The following FAM149A variants were observed in gnomAD, a reference collection of about 807,000 sequenced individuals.
FAM149A encodes protein FAM149A.
Under a neutral mutation model 78.2 loss-of-function variants are expected in FAM149A, and 71 were observed. The observed-to-expected ratio is 0.91, with a 90% CI of 0.75 to 1.11. The LOEUF is 1.11. Ranked by LOEUF, FAM149A falls within the 50% of genes least tolerant of loss-of-function variation. FAM149A has a pLI of 0.00. For missense variants in FAM149A, 1,036 were observed against 971.0 expected (o/e 1.07, Z -0.89); for synonymous variants, 446 against 410.5 (o/e 1.09, Z -1.04).
intron 1 of FAM149A, chr4:186,127,279 G>A (rs2099318722): frequency 1.0e-6 from 1 of 980,130 alleles, no homozygotes; most frequent in African/African-American, 1.7e-5. Context: ...GTTTCTTCCG[G>A]AGAGTTAGTC....
At position 186,172,184 on chromosome 4, in the gene FAM149A, C is replaced by T; in HGVS notation, c.*197C>T. 2.6e-6 allele frequency: 2 copies of T among 766,808 alleles called. 1 individual carries two copies. Among genetic ancestry groups the T allele is most frequent in the South Asian group, 6.2e-5 (2 of 32,274 alleles). The allele number at this position is 766,808 out of a possible 1,614,324, so 47.5% of individuals were successfully genotyped here. A position where few individuals can be genotyped will look rare whatever the true frequency, so the allele number is the denominator to read the frequency against. ...GAGAGTGAAAGTCAAACCCACCAAG[C>T]TGCCTTGCTGAAAGCATCTCCAAGG... On this transcript the variant is annotated 3_prime_UTR_variant, in exon 14 of 14. Coordinates refer to ENST00000389354, the MANE Select transcript of FAM149A (RefSeq NM_001367768.3).
chr4:186,161,587 G>A (rs546658906), intron 8 of FAM149A, among the ~76,000 whole-genome samples: 23 of 152,158 alleles, frequency 1.5e-4, no homozygotes, highest in Non-Finnish European at 3.1e-4. Flanking sequence ...AGCAGTGGAT[G>A]AGCCTTTAAA....
rs776685468 is a variant in FAM149A at position 186,162,940 on chromosome 4, CAG to C, written c.1673_1674del (p.Arg558AsnfsTer4). On this transcript the variant is annotated frameshift_variant, in exon 9 of 14. Coordinates refer to ENST00000389354, the MANE Select transcript of FAM149A (RefSeq NM_001367768.3). LOFTEE classifies it high-confidence loss of function. Reference sequence around the variant, plus strand: ...AGCGGAGACCTGCCTATTTTGCTGACAGAACGCAGTACGTATCAGAATCAGTA... The same window carrying C: ...AGCGGAGACCTGCCTATTTTGCTGACAACGCAGTACGTATCAGAATCAGTA... The C allele has an allele frequency of 6.9e-6, 11 of 1,592,472 alleles. No individual in the cohort carries two copies. Among genetic ancestry groups the C allele is most frequent in the Non-Finnish European group, 9.5e-6 (11 of 1,163,270 alleles).
chr4:186,116,981 T>A (rs1472041728), intron 1 of FAM149A, among the ~76,000 whole-genome samples: 1 of 152,214 alleles, frequency 6.6e-6, no homozygotes, highest in Non-Finnish European at 1.5e-5. Context: ...CAAATCTCAT[T>A]TTGTAACTTT....
At chr4:186,149,037 C>T (rs1298366200) in intron 1 of FAM149A, 136 bp from the exon 2 acceptor site, 4 of 399,076 alleles carry the variant, frequency 1.0e-5, no homozygotes, top group Non-Finnish European at 1.7e-5. Flanking sequence ...TGTGTGCGCT[C>T]ATGCACAGGT....
chr4:186,145,111 G>C (rs1473123959), intron 1 of FAM149A: 1 of 985,556 alleles, frequency 1.0e-6, no homozygotes, highest in Non-Finnish European at 1.2e-6. Context: ...GATCGTAATC[G>C]GGTGAGTCTC....
rs1734718707 is a variant in FAM149A at position 186,162,832 on chromosome 4, T to C, written c.1576-13T>C. 1 of 947,694 alleles carries C rather than the reference T, an allele frequency of 1.1e-6. No individual in the cohort carries two copies. The highest frequency in any genetic ancestry group is 1.7e-5 in the African/African-American group (1 of 57,710). The allele number at this position is 947,694 out of a possible 1,614,324, so 58.7% of individuals were successfully genotyped here. On this transcript the variant is annotated splice_polypyrimidine_tract_variant and intron_variant, in intron 8 of 13. Transcript: ENST00000389354. ...ATTCTTTTTTTTTTTTTTTTTTTTT[T>C]TACTGTTCTCAGATTCATCACTTCT...
chr4:186,152,428 G>T (rs1733656761), intron 4 of FAM149A, among the ~76,000 whole-genome samples: 2 of 151,998 alleles, frequency 1.3e-5, no homozygotes, highest in South Asian at 4.2e-4. Context: ...CTGGATAGAT[G>T]GGTCTTCCCA....
At chr4:186,158,109 T>C in intron 8 of FAM149A, 2 of 1,321,312 alleles carry the variant, frequency 1.5e-6, no homozygotes, top group Non-Finnish European at 2.0e-6. Context: ...TGTTGAACCC[T>C]GCTGAGGTCC....
chr4:186,158,843 C>T, intron 8 of FAM149A: 1 of 988,270 alleles, frequency 1.0e-6, no homozygotes, highest in Non-Finnish European at 1.2e-6. Flanking sequence ...ACTGAGCGGT[C>T]TCAAGCTGTT....
In FAM149A at chr4:186,144,626, G is replaced by C. The variant is rs1022178176; in HGVS notation, c.567-4547G>C. Reference sequence around the variant, plus strand: ...CCCCCGGCCCCAGAGACCCGGGAAGGAGTAGGGAGGCCGGGCCGTGCGCGG... The same window carrying C: ...CCCCCGGCCCCAGAGACCCGGGAAGCAGTAGGGAGGCCGGGCCGTGCGCGG... On this transcript the variant is annotated intron_variant, in intron 1 of 13. Transcript: ENST00000389354. This position sits in a 1 kb window ranked among gnomAD's most constrained non-coding sequence, Gnocchi z 4.2. The C allele has an allele frequency of 1.7e-5, 3 of 172,446 alleles. No individual in the cohort carries two copies. The highest frequency in any genetic ancestry group is 3.5e-5 in the Non-Finnish European group (3 of 86,254). The allele number at this position is 172,446 out of a possible 1,614,324, so 10.7% of individuals were successfully genotyped here.
intron 1 of FAM149A, chr4:186,117,770 A>G (rs1432702330): frequency 2.5e-6 from 2 of 800,654 alleles, no homozygotes; most frequent in Non-Finnish European, 1.5e-6. Flanking sequence ...GGGTTGAGCT[A>G]ATGTGCAGGG....
rs1404485587 is a variant in FAM149A, at chr4:186,105,368, C to T, written c.292C>T (p.Pro98Ser). The T allele has an allele frequency of 2.5e-6, 3 of 1,188,288 alleles. No homozygotes were observed. Among genetic ancestry groups the T allele is most frequent in the African/African-American group, 1.7e-5 (1 of 59,460 alleles). The allele number at this position is 1,188,288 out of a possible 1,614,324, so 73.6% of individuals were successfully genotyped here. ...AGCAGTGGGGACCCTGCTCTCTTGG[C>T]CCAGTAGCCCTAGAGCGGGTAAAGC... is the stretch of plus-strand genomic sequence containing the variant. The change falls in exon 1 of 14, where the codon CCC becomes TCC. Residue 98 changes from proline (P) to serine (S), a missense_variant. Physicochemically the swap from Pro to Ser is moderately conservative, Grantham distance 74. This residue lies in a region of FAM149A where 316 missense variants were observed against 241.9 expected (regional missense o/e 1.31). Transcript: ENST00000389354.
At chr4:186,167,503 G>T in intron 13 of FAM149A, 1 of 487,146 alleles carries the variant, frequency 2.1e-6, no homozygotes, top group South Asian at 2.1e-5. Flanking sequence ...TGAACTGGGG[G>T]CCTCACTCAA....
chr4:186,134,936 T>A (rs1399262753), intron 1 of FAM149A, among the ~76,000 whole-genome samples: 5 of 152,086 alleles, frequency 3.3e-5, no homozygotes, highest in Non-Finnish European at 7.4e-5. Flanking sequence ...GCTCAAGCAG[T>A]TTTTTAGGTG....
At chr4:186,162,583 G>C (rs1734694184) in intron 8 of FAM149A, among the ~76,000 whole-genome samples, 1 of 152,178 alleles carries the variant, frequency 6.6e-6, no homozygotes, top group East Asian at 1.9e-4. Context: ...CCGGGTGCAG[G>C]AACCTCTCTC....
Position 186,156,198 on chromosome 4 carries a change from C to T in FAM149A, c.1420+8C>T, listed in dbSNP as rs780974220. ...GGGAAACTACACTCACAGGTACTTA[C>T]ATGCAGAATTTAGCTTAATGAAAAG... On this transcript the variant is annotated splice_region_variant and intron_variant, in intron 7 of 13. Transcript: ENST00000389354. 1 of 1,605,102 alleles carries T rather than the reference C, an allele frequency of 6.2e-7. No homozygotes were observed. Among genetic ancestry groups the T allele is most frequent in the South Asian group, 1.1e-5 (1 of 89,454 alleles).
intron 1 of FAM149A, among the ~76,000 whole-genome samples, chr4:186,139,891 C>T (rs943839104): frequency 2.0e-5 from 3 of 152,096 alleles, no homozygotes; most frequent in Non-Finnish European, 2.9e-5. Context: ...CAGGACTGCT[C>T]GTACTGGATA....
chr4:186,158,262 T>C (rs1734231697), intron 8 of FAM149A: 2 of 1,237,284 alleles, frequency 1.6e-6, no homozygotes, highest in African/African-American at 3.1e-5. Flanking sequence ...TGTCTGCTGG[T>C]CCCAGGCGAC....
Sources: allele counts gnomAD v4.1 joint callset (sites outside exome capture counted in the v4.1 genomes callset), GRCh38; gene constraint gnomAD v4.1.1; regional missense constraint gnomAD v4.1.1; non-coding constraint Gnocchi (gnomAD v3.1); transcripts MANE v1.5; gene names NCBI Gene and HGNC (gene_info 2026-07-23, HGNC 2026-07-21).